Variants in ELK3 observed in about 807,000 individuals in gnomAD.
ELK3 encodes the protein ETS transcription factor ELK3.
Under a neutral mutation model 28.9 loss-of-function variants are expected in ELK3, and 10 were observed. That is an observed-to-expected ratio of 0.35 (90% CI 0.21 to 0.59). ELK3 has a LOEUF of 0.59. Among genes scored for constraint, ELK3 ranks in the 20% least tolerant of loss-of-function variants. The pLI, the probability that ELK3 is intolerant of heterozygous loss-of-function variation, is 0.82. For synonymous variants in ELK3, 272 were observed against 243.5 expected, an observed-to-expected ratio of 1.12 and a Z score of -1.09; for missense variants, 463 against 517.3, an observed-to-expected ratio of 0.90 and a Z score of 1.02.
At chr12:96,258,606 G>A (rs962481184) in intron 3 of ELK3, among the ~76,000 whole-genome samples, 2 of 152,124 alleles carry the variant, frequency 1.3e-5, no homozygotes, top group Non-Finnish European at 2.9e-5. Flanking sequence ...AACCACTGAG[G>A]GACTCCTTCT....
At chr12:96,259,649 C>G in intron 3 of ELK3, 82 bp from the exon 4 acceptor site, 1 of 1,467,374 alleles carries the variant, frequency 6.8e-7, no homozygotes. Context: ...CCTAGCCTAC[C>G]TAACCTCTCT....
At chr12:96,217,849 A>G (rs765211828) in intron 1 of ELK3, among the ~76,000 whole-genome samples, 87 of 150,464 alleles carry the variant, frequency 5.8e-4, no homozygotes, top group Non-Finnish European at 6.2e-4. Flanking sequence ...GAGGCAGGAG[A>G]ATCGCTTGAA....
chr12:96,255,827 A>C (rs1951943872), intron 3 of ELK3, among the ~76,000 whole-genome samples: 1 of 152,170 alleles, frequency 6.6e-6, no homozygotes, highest in Admixed American at 6.5e-5. Context: ...GTTACTCCAG[A>C]GTCAGATTGA....
chr12:96,230,256 C>T (rs1459263597), intron 2 of ELK3, among the ~76,000 whole-genome samples: 2 of 152,138 alleles, frequency 1.3e-5, no homozygotes, highest in African/African-American at 4.8e-5. Context: ...TAGGCTAGAC[C>T]CTCCAGGTTT....
At chr12:96,260,029 G>A (rs1478561790) in intron 4 of ELK3, among the ~76,000 whole-genome samples, 176 bp downstream of exon 4, 1 of 152,180 alleles carries the variant, frequency 6.6e-6, no homozygotes, top group Non-Finnish European at 1.5e-5. Context: ...TTTCATTGAG[G>A]CAGAAATTGC....
rs2268510 is a variant in ELK3 at position 96,205,074 on chromosome 12, C to G, written c.-3+10369C>G. On this transcript the variant is annotated intron_variant, in intron 1 of 4. Coordinates refer to ENST00000228741, the MANE Select transcript of ELK3 (RefSeq NM_005230.4). ...TTGGTGCTGCTCCTCTTTGCAGAGT[C>G]ACTACCCATGTAGGATTGAAGCCCT... Among the ~76,000 whole-genome samples the G allele has an allele frequency of 5.3e-5, 8 of 152,354 alleles. No homozygotes were observed. The East Asian group carries it at 1.5e-3, about 29-fold the overall frequency.
intron 1 of ELK3, chr12:96,222,776 A>G (rs1951671558): frequency 6.6e-6 from 1 of 152,318 alleles, no homozygotes; most frequent in Admixed American, 6.5e-5. Flanking sequence ...CTATAGAGAA[A>G]TACCCCAGAC....
chr12:96,241,423 C>CATTT lies in ELK3; in HGVS notation c.208-5517_208-5516insATTT, dbSNP rs1357433349. ...TTCCTCTTCAAAGGGCACAGTGGAG[C>CATTT]GTTTGTGTGTGTGTGTGTGTGTGTG... On this transcript the variant is annotated intron_variant, in intron 2 of 4. Transcript: ENST00000228741. Among the ~76,000 whole-genome samples, 9 of 103,822 alleles carry CATTT rather than the reference C, an allele frequency of 8.7e-5. No homozygotes were observed. In the South Asian group the frequency reaches 1.7e-3, roughly 19 times the overall value. 68.1% of individuals were successfully genotyped at this position (103,822 alleles called of 152,430 possible). A position where few individuals can be genotyped will look rare whatever the true frequency, so the allele number is the denominator to read the frequency against.
intron 1 of ELK3, among the ~76,000 whole-genome samples, chr12:96,196,295 CT>C (rs762564020): frequency 2.0e-5 from 3 of 152,044 alleles, no homozygotes; most frequent in Non-Finnish European, 2.9e-5. Context: ...TTTGAAGTCA[CT>C]TTGGCCATTT....
At chr12:96,266,092 T>C (rs140950491) in intron 4 of ELK3, among the ~76,000 whole-genome samples, 1,544 of 152,332 alleles carry the variant, frequency 0.01, 46 homozygotes, top group Admixed American at 0.062. Flanking sequence ...AAACTTACGT[T>C]ACAGCTCCTA....
intron 1 of ELK3, among the ~76,000 whole-genome samples, chr12:96,209,762 C>A (rs924509333): frequency 1.3e-5 from 2 of 152,110 alleles, no homozygotes; most frequent in African/African-American, 4.8e-5. Context: ...GTGTACTGAT[C>A]AAAAGGATTA....
intron 1 of ELK3, among the ~76,000 whole-genome samples, chr12:96,197,521 A>G (rs1167084637): frequency 3.3e-5 from 5 of 152,252 alleles, no homozygotes; most frequent in Admixed American, 3.3e-4. Context: ...GTAACATAGC[A>G]TTCATGAATT....
chr12:96,264,642 A>G (rs1952016624), intron 4 of ELK3, among the ~76,000 whole-genome samples: 1 of 152,038 alleles, frequency 6.6e-6, no homozygotes, highest in Admixed American at 6.5e-5. Context: ...AAAATTGGCC[A>G]CGTGTGCTGG....
chr12:96,208,462 A>C (rs1349513125), intron 1 of ELK3, among the ~76,000 whole-genome samples: 1 of 152,234 alleles, frequency 6.6e-6, no homozygotes, highest in Non-Finnish European at 1.5e-5. Context: ...TGAGAAGAGC[A>C]TGCAATGGCG....
At chr12:96,239,369 G>A (rs370249531) in intron 2 of ELK3, among the ~76,000 whole-genome samples, 96 of 152,054 alleles carry the variant, frequency 6.3e-4, no homozygotes, top group African/African-American at 2.0e-3. Context: ...TAGCAATGTC[G>A]TGTCCCCTGA....
chr12:96,266,889 CTTTG>C (rs975968022), intron 4 of ELK3, among the ~76,000 whole-genome samples, 189 bp from the exon 5 acceptor site: 2 of 152,128 alleles, frequency 1.3e-5, no homozygotes, highest in African/African-American at 2.4e-5. Flanking sequence ...GGGCCTTATC[CTTTG>C]TTTGCTCTAT....
At chr12:96,264,565 T>A (rs1952015823) in intron 4 of ELK3, among the ~76,000 whole-genome samples, 1 of 152,126 alleles carries the variant, frequency 6.6e-6, no homozygotes, top group Non-Finnish European at 1.5e-5. Context: ...GGTGGATCAC[T>A]TGAGCCCAAG....
chr12:96,199,060 T>C (rs1189517235), intron 1 of ELK3, among the ~76,000 whole-genome samples: 1 of 152,178 alleles, frequency 6.6e-6, no homozygotes, highest in African/African-American at 2.4e-5. Context: ...TGAGTTCCTA[T>C]GTGCTGTGAA....
chr12:96,256,382 A>G (rs1951949018), intron 3 of ELK3, among the ~76,000 whole-genome samples: 2 of 151,802 alleles, frequency 1.3e-5, no homozygotes, highest in African/African-American at 2.4e-5. Flanking sequence ...CATAGTTTGC[A>G]CTCTCGGTCA....
Sources: gnomAD v4.1 joint callset for allele counts (sites outside exome capture counted in the v4.1 genomes callset) on GRCh38, gnomAD v4.1.1 for gene constraint, MANE v1.5 for transcripts, NCBI Gene and HGNC (gene_info 2026-07-23, HGNC 2026-07-21) for gene names.